PMPCA: variants seen among roughly 807,000 people sequenced by gnomAD.
PMPCA encodes mitochondrial-processing peptidase subunit alpha.
Under a neutral mutation model 59.3 loss-of-function variants are expected in PMPCA, and 47 were observed. That is an observed-to-expected ratio of 0.79 (90% CI 0.63 to 1.01). The LOEUF is 1.01. Among genes scored for constraint, PMPCA ranks in the 50% least tolerant of loss-of-function variants. The pLI, the probability that PMPCA is intolerant of heterozygous loss-of-function variation, is 0.00. For synonymous variants in PMPCA, 338 were observed against 290.3 expected, an observed-to-expected ratio of 1.16 and a Z score of -1.67; for missense variants, 726 against 704.5, an observed-to-expected ratio of 1.03 and a Z score of -0.34.
intron 11 of PMPCA, chr9:136,420,384 GTCTTGAACTCCTGACC>G (rs1835416313): frequency 6.6e-6 from 1 of 152,120 alleles, no homozygotes; most frequent in Admixed American, 6.5e-5. Context: ...GGCCAGGCTG[GTCTTGAACTCCTGACC>G]TCAAGTCATC....
intron 4 of PMPCA, among the ~76,000 whole-genome samples, chr9:136,413,924 C>G (rs553237838): frequency 2.6e-5 from 4 of 152,246 alleles, no homozygotes; most frequent in Admixed American, 1.3e-4. Flanking sequence ...TGCGTCTGCT[C>G]TGCATGGTCT....
chr9:136,412,614 A>T (rs1172993289), intron 3 of PMPCA, 45 bp downstream of exon 3: 1 of 1,019,950 alleles, frequency 9.8e-7, no homozygotes, highest in Admixed American at 2.0e-5. Context: ...CTTTTGAAGG[A>T]TGTTTGAGAT....
intron 6 of PMPCA, chr9:136,416,596 C>G (rs1835282751): frequency 3.2e-6 from 2 of 634,530 alleles, no homozygotes; most frequent in Non-Finnish European, 5.7e-6. Context: ...ATCCTCCTGC[C>G]TCTGCCTCCC....
Position 136,417,071 on chromosome 9 carries a change from G to A in PMPCA, c.754G>A (p.Val252Met), listed in dbSNP as rs761195169. The change falls in exon 7 of 13, where the codon GTG becomes ATG. Residue 252 changes from valine (V) to methionine (M), a missense_variant. Coordinates refer to ENST00000371717, the MANE Select transcript of PMPCA (RefSeq NM_015160.3). ...LRNYYTPDRM[V>M]LAGVGVEHEH... is the part of the protein sequence containing the mutation. ...GAACTACTACACTCCCGACCGCATG[G>A]TGCTGGCCGGCGTGGGCGTGGAGCA... is the stretch of plus-strand genomic sequence containing the variant. 3.7e-6 allele frequency: 6 copies of A among 1,614,052 alleles called. No individual in the cohort carries two copies. Among genetic ancestry groups the A allele is most frequent in the Non-Finnish European group, 5.1e-6 (6 of 1,180,046 alleles).
intron 5 of PMPCA, among the ~76,000 whole-genome samples, chr9:136,415,694 G>T (rs542669269): frequency 6.6e-6 from 1 of 152,200 alleles, no homozygotes; most frequent in Non-Finnish European, 1.5e-5. Context: ...ATGCAGTGGC[G>T]CGATCTCGGC....
At position 136,423,120 on chromosome 9, in the gene PMPCA, G is replaced by T; in HGVS notation, c.1434G>T (p.Lys478Asn). 6.2e-7 allele frequency: 1 copy of T among 1,613,344 alleles called. No homozygotes were observed. The highest frequency in any genetic ancestry group is 8.5e-7 in the Non-Finnish European group (1 of 1,179,888). The change falls in exon 13 of 13, where the codon AAG (lysine) becomes AAT (asparagine). Residue 478 changes from lysine (K) to asparagine (N), a missense_variant. Physicochemically the swap from Lys to Asn is moderately conservative, Grantham distance 94 (BLOSUM62 0). Coordinates refer to ENST00000371717, the MANE Select transcript of PMPCA (RefSeq NM_015160.3). The part of the protein sequence containing the change: ...LIRNVKPEDV[K>N]RVASKMLRGK... ...GCAACGTGAAGCCGGAAGATGTGAAGAGAGTCGCTTCTAAGATGCTCCGAG... is the reference window on the plus strand; with the variant it reads ...GCAACGTGAAGCCGGAAGATGTGAATAGAGTCGCTTCTAAGATGCTCCGAG...
intron 12 of PMPCA, 47 bp downstream of exon 12, chr9:136,422,023 G>A (rs1455103246): frequency 1.3e-6 from 2 of 1,570,546 alleles, no homozygotes; most frequent in South Asian, 1.2e-5. Flanking sequence ...CCTCGGCCAG[G>A]CTCAGAGGAG....
In PMPCA at chr9:136,412,048, C is replaced by T. The variant is rs1409316095; in HGVS notation, c.123C>T (p.Asn41=). The T allele has an allele frequency of 1.9e-6, 3 of 1,613,406 alleles. No individual in the cohort carries two copies. The Admixed American group carries it at 5.0e-5, about 27-fold the overall frequency. ...TTAGTAGTGGTGGTGCCTATCCCAACATCCCCCTCTCTTCTCCCTTACCTG... is the reference window on the plus strand; with the variant it reads ...TTAGTAGTGGTGGTGCCTATCCCAATATCCCCCTCTCTTCTCCCTTACCTG... ...RRFSSGGAYP[N]IPLSSPLPGV... Residue 41 remains asparagine, a synonymous_variant, in exon 2 of 13, where the codon AAC becomes AAT. Transcript: ENST00000371717.
At chr9:136,414,425 G>A in intron 4 of PMPCA, 128 bp from the exon 5 acceptor site, 1 of 677,810 alleles carries the variant, frequency 1.5e-6, no homozygotes, top group Non-Finnish European at 2.7e-6. Context: ...GTGTCCCCTG[G>A]CTGTTGAGCA....
At chr9:136,420,347 TTAG>T (rs1248853825) in intron 11 of PMPCA, 1 of 152,048 alleles carries the variant, frequency 6.6e-6, no homozygotes, top group East Asian at 1.9e-4. Flanking sequence ...TTTTGTATTT[TTAG>T]TAGAGATGGG....
intron 5 of PMPCA, 26 bp from the exon 6 acceptor site, chr9:136,416,265 G>C: frequency 6.4e-7 from 1 of 1,555,912 alleles, no homozygotes; most frequent in African/African-American, 1.4e-5. Flanking sequence ...TGCAGACTCA[G>C]CCCTGGCCTT....
rs767384133 is a variant in PMPCA at position 136,410,715 on chromosome 9, G to T, written c.47G>T (p.Gly16Val). 7.0e-6 allele frequency: 10 copies of T among 1,428,008 alleles called. No individual in the cohort carries two copies. Among genetic ancestry groups the T allele is most frequent in the Non-Finnish European group, 7.3e-6 (8 of 1,095,388 alleles). 88.5% of individuals were successfully genotyped at this position (1,428,008 alleles called of 1,614,324 possible). The change falls in exon 1 of 13, where the codon GGT becomes GTT. Residue 16 changes from glycine (G) to valine (V), a missense_variant. Physicochemically the swap from Gly to Val is moderately radical, Grantham distance 109. Coordinates refer to ENST00000371717, the MANE Select transcript of PMPCA (RefSeq NM_015160.3). ...GCGACGCGGTTGCTGCGGGGCTCGG[G>T]TTCTTGGGGCTGTTCGCGGCTGAGG... Reference protein sequence around the residue: ...LAATRLLRGSGSWGCSRLRFG... With the variant: ...LAATRLLRGSVSWGCSRLRFG...
At position 136,423,433 on chromosome 9, in the gene PMPCA, G is replaced by A. The variant is rs974205506; in HGVS notation, c.*169G>A. 2.1e-5 allele frequency: 14 copies of A among 668,108 alleles called. No homozygotes were observed. The highest frequency in any genetic ancestry group is 3.8e-5 in the South Asian group (2 of 52,676). 41.4% of individuals were successfully genotyped at this position (668,108 alleles called of 1,614,324 possible). ...GCATTCTTTTGGAACTCAATGTGCCGATCAGTGGAGTCAGTATCGAGCCTG... is the reference window on the plus strand; with the variant it reads ...GCATTCTTTTGGAACTCAATGTGCCAATCAGTGGAGTCAGTATCGAGCCTG... On this transcript the variant is annotated 3_prime_UTR_variant, in exon 13 of 13. Transcript: ENST00000371717.
rs556230027 is a variant in PMPCA at position 136,419,199 on chromosome 9, C to A, written c.1263+93C>A. The A allele has an allele frequency of 6.7e-6, 8 of 1,191,702 alleles. No homozygotes were observed. In the South Asian group the frequency reaches 8.5e-5, roughly 13 times the overall value. 73.8% of individuals were successfully genotyped at this position (1,191,702 alleles called of 1,614,324 possible). On this transcript the variant is annotated intron_variant, in intron 11 of 12. Coordinates refer to ENST00000371717, the MANE Select transcript of PMPCA (RefSeq NM_015160.3). ...GAGTGGCCACCTGTGGGCCTGGTCC[C>A]TGAGCCTCAGGGCCAAGGTCCCGGC...
intron 7 of PMPCA, among the ~76,000 whole-genome samples, chr9:136,417,654 CTA>C (rs1162454283): frequency 6.6e-6 from 1 of 151,948 alleles, no homozygotes; most frequent in African/African-American, 2.4e-5. Context: ...TGGGGTTTCA[CTA>C]TGTTGGCCAG....
rs1274364841 is a variant in PMPCA at position 136,417,189 on chromosome 9, C to T, written c.872C>T (p.Ala291Val). 1 of 1,594,212 alleles carries T rather than the reference C, an allele frequency of 6.3e-7. No individual in the cohort carries two copies. Among genetic ancestry groups the T allele is most frequent in the Non-Finnish European group, 8.6e-7 (1 of 1,166,004 alleles). The change falls in exon 7 of 13, where the codon GCC (alanine) becomes GTC (valine). Residue 291 changes from alanine (A) to valine (V), a missense_variant. Physicochemically the swap from Ala to Val is moderately conservative, Grantham distance 64. Coordinates refer to ENST00000371717, the MANE Select transcript of PMPCA (RefSeq NM_015160.3). ...AEAVDIDRSV[A>V]QYTGGIAKLE... ...GCCGTGGATATTGACAGATCTGTGG[C>T]CCAGTACACTGGGGGGATTGCCAAG...
chr9:136,417,965 G>A (rs527870788), intron 7 of PMPCA, 52 bp from the exon 8 acceptor site: 25 of 1,287,012 alleles, frequency 1.9e-5, no homozygotes, highest in Admixed American at 8.4e-5. Context: ...TGGGGTTTGC[G>A]AGCCCTCATT....
chr9:136,413,610 A>G (rs1055594484), intron 4 of PMPCA, among the ~76,000 whole-genome samples: 2 of 152,188 alleles, frequency 1.3e-5, no homozygotes, highest in South Asian at 4.1e-4. Flanking sequence ...AGGCCTCTTA[A>G]TACCCCCTGA....
chr9:136,414,482 C>G, intron 4 of PMPCA, 71 bp from the exon 5 acceptor site: 1 of 1,037,648 alleles, frequency 9.6e-7, no homozygotes, highest in Non-Finnish European at 1.5e-6. Context: ...ACGCAAAGCC[C>G]GAGCGTCCCC....
Sources: gnomAD v4.1 joint callset for allele counts (sites outside exome capture counted in the v4.1 genomes callset) on GRCh38, gnomAD v4.1.1 for gene constraint, MANE v1.5 for transcripts, NCBI Gene and HGNC (gene_info 2026-07-23, HGNC 2026-07-21) for gene names.